Variants in PHIP observed in about 807,000 individuals in gnomAD.
PHIP encodes the protein PH-interacting protein.
In PHIP, 54 loss-of-function variants were observed where a neutral mutation model predicts 236.8. That is an observed-to-expected ratio of 0.23 (90% confidence interval 0.18 to 0.29). The LOEUF (loss-of-function observed/expected upper bound fraction) is 0.29. Among genes scored for constraint, PHIP ranks in the 10% least tolerant of loss-of-function variants. PHIP has a pLI of 1.00. For synonymous variants in PHIP, 756 were observed against 718.9 expected (o/e 1.05, Z -0.83); for missense variants, 1,370 against 2,190.8 (o/e 0.63, Z 7.48).
chr6:79,053,590 G>T (rs1363091946), intron 6 of PHIP, among the ~76,000 whole-genome samples: 1 of 152,106 alleles, frequency 6.6e-6, no homozygotes. Flanking sequence ...TATCTATTCA[G>T]CCTGATCTGA....
At chr6:78,984,177 C>A (rs991007591) in intron 22 of PHIP, among the ~76,000 whole-genome samples, 1 of 152,096 alleles carries the variant, frequency 6.6e-6, no homozygotes, top group Non-Finnish European at 1.5e-5. Context: ...TTTATAAGCA[C>A]GTACCTAAAT....
chr6:79,053,532 C>T (rs900016718), intron 6 of PHIP, among the ~76,000 whole-genome samples: 3 of 152,044 alleles, frequency 2.0e-5, no homozygotes, highest in South Asian at 2.1e-4. Context: ...CAATTTTCCC[C>T]GAGGCTTCCT....
chr6:78,986,587 G>T (rs1457935109), intron 21 of PHIP, among the ~76,000 whole-genome samples: 1 of 152,150 alleles, frequency 6.6e-6, no homozygotes, highest in African/African-American at 2.4e-5. Context: ...TTAAGCCCAG[G>T]TCACTTTAGT....
intron 30 of PHIP, among the ~76,000 whole-genome samples, chr6:78,962,078 A>G (rs948890852): frequency 3.9e-5 from 6 of 152,166 alleles, no homozygotes; most frequent in African/African-American, 1.2e-4. Context: ...ATCAGACCTA[A>G]TAAGTACACA....
chr6:78,958,376 T>G, intron 32 of PHIP, 99 bp downstream of exon 32: 1 of 791,428 alleles, frequency 1.3e-6, no homozygotes. Flanking sequence ...TACTCTTAAA[T>G]GTTTCTTCTT....
intron 23 of PHIP, among the ~76,000 whole-genome samples, chr6:78,981,494 T>C (rs1768529326): frequency 6.6e-6 from 1 of 151,976 alleles, no homozygotes; most frequent in Non-Finnish European, 1.5e-5. Flanking sequence ...TCACAATACT[T>C]TGTTGCAACA....
chr6:78,994,732 T>C (rs1432178185), intron 19 of PHIP, among the ~76,000 whole-genome samples: 4 of 152,282 alleles, frequency 2.6e-5, no homozygotes, highest in East Asian at 3.9e-4. Flanking sequence ...TTTTAAGAAA[T>C]TGCCACAGCC....
At chr6:78,990,621 T>C (rs990193427) in intron 20 of PHIP, among the ~76,000 whole-genome samples, 1 of 152,144 alleles carries the variant, frequency 6.6e-6, no homozygotes, top group Non-Finnish European at 1.5e-5. Context: ...GAGGCTTCAG[T>C]GTAATTTATT....
chr6:78,997,700 T>C (rs1483476879), intron 18 of PHIP, 103 bp from the exon 19 acceptor site: 5 of 915,666 alleles, frequency 5.5e-6, no homozygotes, highest in Non-Finnish European at 8.1e-6. Flanking sequence ...AGAAACTTCA[T>C]ATTGTGGCAA....
intron 4 of PHIP, 68 bp downstream of exon 4, chr6:79,077,380 T>A: frequency 7.2e-7 from 1 of 1,391,988 alleles, no homozygotes. Flanking sequence ...CTGTAAAAAA[T>A]TGCGGGAAAT....
At chr6:78,973,703 A>C (rs980992623) in intron 24 of PHIP, among the ~76,000 whole-genome samples, 1 of 151,822 alleles carries the variant, frequency 6.6e-6, no homozygotes, top group Admixed American at 6.6e-5. Context: ...CAAATGGAAA[A>C]CAAAAAAAGA....
At chr6:78,990,029 G>T (rs1426128437) in intron 20 of PHIP, among the ~76,000 whole-genome samples, 1 of 151,952 alleles carries the variant, frequency 6.6e-6, no homozygotes, top group Admixed American at 6.6e-5. Context: ...TAATAAAACA[G>T]AAAAGTGAAT....
At chr6:78,965,442 G>A (rs949748861) in intron 29 of PHIP, among the ~76,000 whole-genome samples, 2 of 152,160 alleles carry the variant, frequency 1.3e-5, no homozygotes, top group Non-Finnish European at 2.9e-5. Flanking sequence ...ACTTTCTTGG[G>A]TGAATAGTAA....
chr6:78,995,155 C>T (rs1228593753), intron 19 of PHIP, among the ~76,000 whole-genome samples: 2 of 152,212 alleles, frequency 1.3e-5, no homozygotes, highest in African/African-American at 4.8e-5. Flanking sequence ...TTTTTCTCCA[C>T]TCAGCATAAT....
intron 35 of PHIP, among the ~76,000 whole-genome samples, chr6:78,951,023 A>G (rs1388956361): frequency 3.9e-5 from 6 of 152,100 alleles, no homozygotes; most frequent in Non-Finnish European, 8.8e-5. Context: ...TGCATCCTAC[A>G]AATTTTGATA....
intron 4 of PHIP, among the ~76,000 whole-genome samples, chr6:79,075,880 A>G (rs2127783138): frequency 6.6e-6 from 1 of 152,290 alleles, no homozygotes; most frequent in East Asian, 1.9e-4. Context: ...AATCTTTGCG[A>G]TAATTTTTTC....
intron 15 of PHIP, among the ~76,000 whole-genome samples, chr6:79,013,428 C>T (rs1369242588): frequency 6.6e-6 from 1 of 151,664 alleles, no homozygotes; most frequent in African/African-American, 2.4e-5. Flanking sequence ...TTTCCTATCT[C>T]TTATCCATAA....
chr6:79,030,683 GAT>G (rs1562193173), intron 7 of PHIP, among the ~76,000 whole-genome samples: 1 of 152,152 alleles, frequency 6.6e-6, no homozygotes. Context: ...TTAGGTTAGA[GAT>G]AGAGATCTGG....
At chr6:79,062,577 C>G (rs1002494285) in intron 4 of PHIP, among the ~76,000 whole-genome samples, 3 of 152,096 alleles carry the variant, frequency 2.0e-5, no homozygotes, top group Non-Finnish European at 4.4e-5. Flanking sequence ...GTGTGATGAT[C>G]CTGTTTTAGT....
Sources: allele counts gnomAD v4.1 joint callset (sites outside exome capture counted in the v4.1 genomes callset), GRCh38; gene constraint gnomAD v4.1.1; transcripts MANE v1.5; gene names NCBI Gene and HGNC (gene_info 2026-07-23, HGNC 2026-07-21).